The following TARS3 variants were observed in gnomAD, a reference collection of about 807,000 sequenced individuals.
TARS3 encodes threonyl-tRNA synthetase 3.
TARS3 carries 94 observed loss-of-function variants against 103.5 expected under a neutral mutation model. The observed-to-expected ratio is 0.91, with a 90% CI of 0.77 to 1.08. The LOEUF (loss-of-function observed/expected upper bound fraction) is 1.08. Ranked by LOEUF, TARS3 falls within the 50% of genes least tolerant of loss-of-function variation. TARS3 has a pLI of 0.00. For missense variants in TARS3, 952 were observed against 995.2 expected, an observed-to-expected ratio of 0.96 and a Z score of 0.58; for synonymous variants, 416 against 355.4, an observed-to-expected ratio of 1.17 and a Z score of -1.92.
Position 101,699,380 on chromosome 15 carries a change from T to C in TARS3, c.1320+1706A>G, listed in dbSNP as rs1003886961. On this transcript the variant is annotated intron_variant, in intron 10 of 18. Transcript: ENST00000335968. ...TGTGCATTTAAGTGCCTTTACAGTT[T>C]GGTGACCCTCACAATCAGGCCCTGC... 5 of 455,918 alleles carry C rather than the reference T, an allele frequency of 1.1e-5. No individual in the cohort carries two copies. In the Admixed American group the frequency reaches 1.2e-4, roughly 11 times the overall value. 28.2% of individuals were successfully genotyped at this position (455,918 alleles called of 1,614,324 possible).
At position 101,724,312 on chromosome 15, in the gene TARS3, A is replaced by T; in HGVS notation, c.76T>A (p.Trp26Arg). The part of the protein sequence containing the change: ...ERQEEDIRWL[W>R]SEVERLRDEQ... ...TCCCTCAGGCGCTCGACCTCCGACCACAGCCAGCGGATGTCCTCCTCCTGC... is the reference window on the plus strand; with the variant it reads ...TCCCTCAGGCGCTCGACCTCCGACCTCAGCCAGCGGATGTCCTCCTCCTGC... The change falls in exon 1 of 19, where the codon TGG (tryptophan) becomes AGG (arginine). Residue 26 changes from tryptophan (W) to arginine (R), a missense_variant. Transcript: ENST00000335968. 1 of 1,570,034 alleles carries T rather than the reference A, an allele frequency of 6.4e-7. No individual in the cohort carries two copies. The highest frequency in any genetic ancestry group is 8.6e-7 in the Non-Finnish European group (1 of 1,164,718).
At chr15:101,707,992 C>A (rs1899654597) in intron 6 of TARS3, among the ~76,000 whole-genome samples, 1 of 151,800 alleles carries the variant, frequency 6.6e-6, no homozygotes, top group African/African-American at 2.4e-5. Flanking sequence ...GCCTGTAATC[C>A]CAGCACTTTA....
chr15:101,664,575 G>A (rs1204929513), intron 15 of TARS3: 3 of 152,110 alleles, frequency 2.0e-5, no homozygotes, highest in East Asian at 1.9e-4. Flanking sequence ...AACTGACACC[G>A]AACCGCAGCC....
intron 3 of TARS3, 29 bp downstream of exon 3, chr15:101,721,097 T>C: frequency 6.4e-7 from 1 of 1,564,612 alleles, no homozygotes; most frequent in Non-Finnish European, 8.7e-7. Flanking sequence ...TTACTTAAGA[T>C]TGAATATCTT....
chr15:101,692,611 A>G (rs1898775551), intron 10 of TARS3, among the ~76,000 whole-genome samples: 3 of 139,214 alleles, frequency 2.2e-5, no homozygotes, highest in Non-Finnish European at 3.2e-5. Flanking sequence ...TTACTACTCC[A>G]TCTCCTCACT....
chr15:101,710,064 G>A (rs991913399), intron 5 of TARS3, among the ~76,000 whole-genome samples: 2 of 152,184 alleles, frequency 1.3e-5, no homozygotes, highest in African/African-American at 4.8e-5. Context: ...AAAGGAGAGG[G>A]GCTAGAGATT....
At chr15:101,705,027 G>T (rs1277079298) in intron 7 of TARS3, among the ~76,000 whole-genome samples, 1 of 152,174 alleles carries the variant, frequency 6.6e-6, no homozygotes, top group Non-Finnish European at 1.5e-5. Flanking sequence ...AGGCGGTACT[G>T]TGATAGTCCT....
intron 16 of TARS3, among the ~76,000 whole-genome samples, chr15:101,661,447 T>G (rs1304573841): frequency 6.6e-6 from 1 of 151,156 alleles, no homozygotes; most frequent in Non-Finnish European, 1.5e-5. Flanking sequence ...TTCTACCGAG[T>G]CCCCCAAAAG....
At chr15:101,673,231 A>AC (rs1343763158) in intron 13 of TARS3, among the ~76,000 whole-genome samples, 1 of 152,144 alleles carries the variant, frequency 6.6e-6, no homozygotes, top group Non-Finnish European at 1.5e-5. Context: ...TAAACTATTT[A>AC]CCCCCATTAA....
At position 101,671,678 on chromosome 15, in the gene TARS3, C is replaced by G; in HGVS notation, c.1859G>C (p.Gly620Ala). Residue 620 changes from glycine to alanine, a missense_variant, in exon 14 of 19, where the codon GGC becomes GCC. Gly to Ala is a moderately conservative substitution (Grantham distance 60). Coordinates refer to ENST00000335968, the MANE Select transcript of TARS3 (RefSeq NM_152334.3). ...KMNPGDGAFY[G>A]PKIDIKIKDA... ...AGCATGTGGTCGACTCACTTTAGGG[C>G]CATAAAATGCTCCATCTCCTGGGTT... is the stretch of plus-strand genomic sequence containing the variant. 1 of 1,614,012 alleles carries G rather than the reference C, an allele frequency of 6.2e-7. No individual in the cohort carries two copies. The highest frequency in any genetic ancestry group is 8.5e-7 in the Non-Finnish European group (1 of 1,179,970).
intron 6 of TARS3, 102 bp downstream of exon 6, chr15:101,708,691 A>C: frequency 1.2e-6 from 1 of 813,112 alleles, no homozygotes; most frequent in South Asian, 1.5e-5. Context: ...GATTGGAATA[A>C]TTTGGTGAGC....
intron 12 of TARS3, among the ~76,000 whole-genome samples, chr15:101,683,248 T>C (rs1276833624): frequency 6.6e-6 from 1 of 152,246 alleles, no homozygotes; most frequent in East Asian, 1.9e-4. Flanking sequence ...GCTATAAACA[T>C]CCCTCTACCA....
chr15:101,654,503 G>A lies in TARS3; in HGVS notation c.*79C>T, dbSNP rs553514547. The A allele has an allele frequency of 1.9e-4, 291 of 1,501,044 alleles. 1 individual carries two copies. The Middle Eastern group carries it at 5.1e-3, about 26-fold the overall frequency. 93.0% of individuals were successfully genotyped at this position (1,501,044 alleles called of 1,614,324 possible). On this transcript the variant is annotated 3_prime_UTR_variant, in exon 19 of 19. Coordinates refer to ENST00000335968, the MANE Select transcript of TARS3 (RefSeq NM_152334.3). ...ACCCATCAGTGGCTCCAAAGTCGTA[G>A]AAGTACTAACATGTTAAGAAAAATA... is the stretch of plus-strand genomic sequence containing the variant.
intron 4 of TARS3, 103 bp downstream of exon 4, chr15:101,714,737 C>T: frequency 1.9e-6 from 2 of 1,074,964 alleles, no homozygotes; most frequent in Non-Finnish European, 2.5e-6. Context: ...CTTAGAAACC[C>T]CCAAAAAACT....
At chr15:101,677,893 A>C (rs1179779267) in intron 12 of TARS3, among the ~76,000 whole-genome samples, 2 of 152,020 alleles carry the variant, frequency 1.3e-5, no homozygotes, top group Non-Finnish European at 2.9e-5. Context: ...CAGCCTCCCA[A>C]AGTGCTGGGA....
At chr15:101,666,514 T>C (rs624365) in intron 15 of TARS3, among the ~76,000 whole-genome samples, 50,828 of 147,794 alleles carry the variant, frequency 0.34, 9,716 homozygotes, top group Non-Finnish European at 0.43. Flanking sequence ...TGTTCAAAGT[T>C]TGCATTAACC....
intron 15 of TARS3, among the ~76,000 whole-genome samples, chr15:101,669,294 T>C (rs570190556): frequency 6.6e-6 from 1 of 152,358 alleles, no homozygotes; most frequent in Non-Finnish European, 1.5e-5. Context: ...AAAATATTTT[T>C]GTACAACTAT....
At chr15:101,657,190 G>C (rs888828362) in intron 17 of TARS3, among the ~76,000 whole-genome samples, 154 bp from the exon 18 acceptor site, 2 of 152,244 alleles carry the variant, frequency 1.3e-5, no homozygotes, top group African/African-American at 4.8e-5. Context: ...GTGCGGAAGT[G>C]TCGGCGCATC....
chr15:101,676,335 G>A (rs747541698), intron 12 of TARS3, among the ~76,000 whole-genome samples: 4 of 152,182 alleles, frequency 2.6e-5, no homozygotes, highest in Non-Finnish European at 5.9e-5. Flanking sequence ...CACAGTATGT[G>A]GAATGAACTG....
Sources: gnomAD v4.1 joint callset for allele counts (sites outside exome capture counted in the v4.1 genomes callset) on GRCh38, gnomAD v4.1.1 for gene constraint, MANE v1.5 for transcripts, NCBI Gene and HGNC (gene_info 2026-07-23, HGNC 2026-07-21) for gene names.